CGGBP1: variants seen among roughly 807,000 people sequenced by gnomAD.
CGGBP1 encodes CGG triplet repeat-binding protein 1.
CGGBP1 carries 4 observed loss-of-function variants against 11.4 expected under a neutral mutation model. The ratio of observed to expected loss-of-function variants is 0.35; its 90% CI spans 0.17 to 0.80. The LOEUF is 0.80. CGGBP1 is among the 30% of genes least tolerant of loss of function. CGGBP1 has a pLI of 0.52. For missense variants in CGGBP1, 135 were observed against 202.1 expected (o/e 0.67, Z 2.01); for synonymous variants, 76 against 74.1 (o/e 1.03, Z -0.13).
chr3:88,089,906 G>C (rs1458786585), intron 2 of CGGBP1, among the ~76,000 whole-genome samples: 1 of 152,190 alleles, frequency 6.6e-6, no homozygotes, highest in African/African-American at 2.4e-5. Flanking sequence ...GGTACCATGA[G>C]ATTATAATGG....
upstream of CGGBP1, among the ~76,000 whole-genome samples, chr3:88,060,047 G>A (rs1706770552): frequency 6.6e-6 from 1 of 151,838 alleles, no homozygotes; most frequent in South Asian, 2.1e-4. Context: ...TCTCCAGTTG[G>A]CGTAGACGCT....
At chr3:88,098,610 G>A (rs1316461466) in intron 2 of CGGBP1, among the ~76,000 whole-genome samples, 4 of 152,120 alleles carry the variant, frequency 2.6e-5, no homozygotes, top group Non-Finnish European at 1.5e-5. Flanking sequence ...GAATCCAGCA[G>A]CACAGCAAAA....
intron 2 of CGGBP1, chr3:88,139,281 G>A (rs776929601): frequency 3.2e-6 from 5 of 1,560,610 alleles, no homozygotes; most frequent in Non-Finnish European, 2.6e-6. Flanking sequence ...TACTTCCAAA[G>A]TAGATCACAA....
intron 2 of CGGBP1, among the ~76,000 whole-genome samples, chr3:88,088,756 GTA>G (rs1559701635): frequency 7.0e-6 from 1 of 143,668 alleles, no homozygotes; most frequent in Non-Finnish European, 1.6e-5. Flanking sequence ...ATGTATGTAT[GTA>G]TGTATGGATG....
intron 2 of CGGBP1, among the ~76,000 whole-genome samples, chr3:88,114,367 A>G (rs1298977659): frequency 6.6e-6 from 1 of 152,204 alleles, no homozygotes; most frequent in Non-Finnish European, 1.5e-5. Context: ...GAGGGACAAT[A>G]TTTAACTTCC....
intron 2 of CGGBP1, among the ~76,000 whole-genome samples, chr3:88,077,499 A>C (rs1472266066): frequency 1.8e-5 from 1 of 54,584 alleles, no homozygotes; most frequent in Non-Finnish European, 5.5e-5. Flanking sequence ...CGCCCGGCTA[A>C]TTTTTTGTGA....
upstream of CGGBP1, chr3:88,059,358 C>G (rs1706700938): frequency 6.5e-7 from 1 of 1,534,932 alleles, no homozygotes; most frequent in African/African-American, 1.4e-5. Context: ...CCGAACGCCT[C>G]GGAGAAGAGC....
chr3:88,109,404 G>T (rs1704954500), intron 2 of CGGBP1, among the ~76,000 whole-genome samples: 1 of 151,852 alleles, frequency 6.6e-6, no homozygotes, highest in African/African-American at 2.4e-5. Flanking sequence ...ATAAAATGTG[G>T]GTAAGAGTTT....
At chr3:88,069,527 A>G (rs1256113999) in intron 2 of CGGBP1, among the ~76,000 whole-genome samples, 3 of 152,228 alleles carry the variant, frequency 2.0e-5, no homozygotes, top group Non-Finnish European at 4.4e-5. Context: ...ACTTTTCTTC[A>G]TAGCACTTAT....
intron 2 of CGGBP1, among the ~76,000 whole-genome samples, chr3:88,133,472 T>C (rs967001671): frequency 1.1e-4 from 16 of 152,162 alleles, no homozygotes; most frequent in African/African-American, 3.9e-4. Flanking sequence ...AGAGGGATCT[T>C]TTCTGAAGTG....
chr3:88,106,893 C>T (rs1704775155), intron 2 of CGGBP1, among the ~76,000 whole-genome samples: 1 of 152,012 alleles, frequency 6.6e-6, no homozygotes, highest in South Asian at 2.1e-4. Context: ...ATTTGAGATG[C>T]TGTTTTTATC....
chr3:88,059,735 A>T (rs773552682), upstream of CGGBP1, among the ~76,000 whole-genome samples: 101 of 151,848 alleles, frequency 6.7e-4, 1 homozygote, highest in Non-Finnish European at 1.9e-4. Flanking sequence ...TTTGTCGGGG[A>T]TGGAGGGGCT....
At chr3:88,092,786 C>G (rs1298521549) in intron 2 of CGGBP1, among the ~76,000 whole-genome samples, 1 of 152,122 alleles carries the variant, frequency 6.6e-6, no homozygotes, top group African/African-American at 2.4e-5. Flanking sequence ...ACTATATTCT[C>G]TGGCAGTATT....
intron 2 of CGGBP1, among the ~76,000 whole-genome samples, chr3:88,096,583 A>G (rs1452224393): frequency 6.6e-6 from 1 of 152,040 alleles, no homozygotes; most frequent in African/African-American, 2.4e-5. Context: ...TTCTTCCCAT[A>G]CTTTAAAGAA....
chr3:88,109,609 G>T (rs1171184360), intron 2 of CGGBP1, among the ~76,000 whole-genome samples: 5 of 152,078 alleles, frequency 3.3e-5, no homozygotes, highest in Non-Finnish European at 5.9e-5. Flanking sequence ...AAGAGTAAGG[G>T]TTAGCAGAAG....
chr3:88,074,400 G>A (rs1237219369), intron 2 of CGGBP1, among the ~76,000 whole-genome samples: 7 of 149,368 alleles, frequency 4.7e-5, no homozygotes, highest in Non-Finnish European at 8.9e-5. Context: ...GGAGTGCAGT[G>A]GCTTGATCTC....
chr3:88,100,128 G>GA (rs1353163464), intron 2 of CGGBP1, among the ~76,000 whole-genome samples: 2 of 152,124 alleles, frequency 1.3e-5, no homozygotes, highest in East Asian at 1.9e-4. Context: ...AAATTTACAA[G>GA]AAAAAATCAA....
chr3:88,072,193 G>T (rs545796955), intron 2 of CGGBP1, among the ~76,000 whole-genome samples: 2 of 152,126 alleles, frequency 1.3e-5, no homozygotes, highest in African/African-American at 4.8e-5. Flanking sequence ...AGGGAGAAAA[G>T]GCATATCTAA....
At position 88,134,972 on chromosome 3, in the gene CGGBP1, C is replaced by T. The variant is rs115888436; in HGVS notation, c.-229+5998G>A. The T allele has an allele frequency of 6.4e-4, 596 of 930,854 alleles. 2 individuals are homozygous for T. In the African/African-American group the frequency reaches 9.4e-3, roughly 15 times the overall value. 57.7% of individuals were successfully genotyped at this position (930,854 alleles called of 1,614,324 possible). ...TATTTACACTCATATACATCCCAGCCAGGGCACTATAGAATCAGGGAAAGA... is the reference window on the plus strand; with the variant it reads ...TATTTACACTCATATACATCCCAGCTAGGGCACTATAGAATCAGGGAAAGA... On this transcript the variant is annotated intron_variant, in intron 2 of 3. Coordinates refer to the CGGBP1 transcript ENST00000462901.
Sources: allele counts gnomAD v4.1 joint callset (sites outside exome capture counted in the v4.1 genomes callset), GRCh38; gene constraint gnomAD v4.1.1; transcripts MANE v1.5; gene names NCBI Gene and HGNC (gene_info 2026-07-23, HGNC 2026-07-21).